The following NUP214 variants were observed in gnomAD, a reference collection of about 807,000 sequenced individuals.
NUP214 encodes the protein nucleoporin 214.
NUP214 carries 79 observed loss-of-function variants against 196.2 expected under a neutral mutation model. The ratio of observed to expected loss-of-function variants is 0.40; its 90% CI spans 0.34 to 0.49. The LOEUF (loss-of-function observed/expected upper bound fraction) is 0.49, where lower values mean the gene tolerates loss of function less well. Among genes scored for constraint, NUP214 ranks in the 20% least tolerant of loss-of-function variants. The pLI, the probability that NUP214 is intolerant of heterozygous loss-of-function variation, is 0.58. For missense variants in NUP214, 2,468 were observed against 2,539.0 expected (o/e 0.97, Z 0.60); for synonymous variants, 1,020 against 990.5 (o/e 1.03, Z -0.56).
At chr9:131,194,399 T>G (rs1468518434) in intron 27 of NUP214, among the ~76,000 whole-genome samples, 1 of 152,040 alleles carries the variant, frequency 6.6e-6, no homozygotes, top group Non-Finnish European at 1.5e-5. Context: ...GTTTGGTTTT[T>G]GGGTTTTTGT....
intron 30 of NUP214, among the ~76,000 whole-genome samples, chr9:131,211,421 G>A (rs1038364030): frequency 7.9e-5 from 12 of 152,120 alleles, no homozygotes; most frequent in South Asian, 2.1e-4. Context: ...TTCATATCTC[G>A]CTTTTGAATT....
At chr9:131,216,716 G>A (rs1006864703) in intron 31 of NUP214, among the ~76,000 whole-genome samples, 3 of 151,344 alleles carry the variant, frequency 2.0e-5, no homozygotes, top group Non-Finnish European at 2.9e-5. Flanking sequence ...TAGTAGAGAC[G>A]GGGTTTTACC....
chr9:131,170,891 C>G (rs1057337689), intron 21 of NUP214, among the ~76,000 whole-genome samples: 2 of 151,870 alleles, frequency 1.3e-5, no homozygotes, highest in African/African-American at 4.8e-5. Context: ...TCCTTGATCT[C>G]AAAAGGAGCA....
chr9:131,145,153 G>A lies in NUP214; in HGVS notation c.1769+399G>A, dbSNP rs550075947. Among the ~76,000 whole-genome samples the A allele has an allele frequency of 5.9e-5, 9 of 152,106 alleles. No homozygotes were observed. In the South Asian group the frequency reaches 1.9e-3, roughly 32 times the overall value. ...CTCTCTCTGAACTGCTGTCTACACA[G>A]CCACAAAGTCATCTTGTGACACTGT... On this transcript the variant is annotated intron_variant, in intron 12 of 35. Transcript: ENST00000359428.
intron 19 of NUP214, among the ~76,000 whole-genome samples, chr9:131,163,522 A>G (rs574775525): frequency 1.3e-4 from 20 of 152,298 alleles, no homozygotes; most frequent in Non-Finnish European, 2.4e-4. Context: ...TCTGAAGCCC[A>G]GATTTGCCAT....
intron 25 of NUP214, among the ~76,000 whole-genome samples, chr9:131,187,915 A>C (rs1258317822): frequency 6.6e-6 from 1 of 152,228 alleles, no homozygotes; most frequent in East Asian, 1.9e-4. Flanking sequence ...ATTTGGGGTC[A>C]TAATTCTAAT....
At chr9:131,171,547 C>CTTTTTTTTTTTTTTTTTT (rs11334591) in intron 21 of NUP214, among the ~76,000 whole-genome samples, 3 of 127,348 alleles carry the variant, frequency 2.4e-5, no homozygotes, top group Non-Finnish European at 5.0e-5. Context: ...GGAAGATTTT[C>CTTTTTTTTTTTTTTTTTT]TTTTTTTTTT....
intron 21 of NUP214, 108 bp downstream of exon 21, chr9:131,164,252 ATGTG>A (rs1832723278): frequency 3.2e-6 from 3 of 926,798 alleles, no homozygotes; most frequent in Non-Finnish European, 5.2e-6. Context: ...GGTGCTGTGT[ATGTG>A]TGTGTAAGTG....
intron 30 of NUP214, among the ~76,000 whole-genome samples, chr9:131,206,039 A>T (rs1026308423): frequency 6.6e-6 from 1 of 152,008 alleles, no homozygotes; most frequent in Non-Finnish European, 1.5e-5. Flanking sequence ...AAGTGTATTC[A>T]TAGCAACATT....
chr9:131,133,100 T>A lies in NUP214; in HGVS notation c.728-6T>A. ...TATGAGCTACTGATTAAGATGTGTC[T>A]TTCAGTTCTGGATGTGCTGTGGATT... On this transcript the variant is annotated splice_polypyrimidine_tract_variant and splice_region_variant and intron_variant, in intron 6 of 35. Coordinates refer to ENST00000359428, the MANE Select transcript of NUP214 (RefSeq NM_005085.4). 1.2e-6 allele frequency: 2 copies of A among 1,605,162 alleles called. No homozygotes were observed. Among genetic ancestry groups the A allele is most frequent in the South Asian group, 2.2e-5 (2 of 90,600 alleles).
At chr9:131,231,236 A>T (rs1273571315) in intron 34 of NUP214, among the ~76,000 whole-genome samples, 1 of 152,174 alleles carries the variant, frequency 6.6e-6, no homozygotes, top group Non-Finnish European at 1.5e-5. Flanking sequence ...TCTGTTGCCC[A>T]GGATGGAGTG....
At chr9:131,154,261 G>T (rs1832365332) in intron 17 of NUP214, among the ~76,000 whole-genome samples, 1 of 152,048 alleles carries the variant, frequency 6.6e-6, no homozygotes, top group Admixed American at 6.6e-5. Context: ...TGGGGGACAA[G>T]TGGTGTTTGG....
rs762919998 is a variant in NUP214, at chr9:131,146,241, A to G, written c.1882A>G (p.Thr628Ala). The change falls in exon 13 of 36, where the codon ACA becomes GCA. Residue 628 changes from threonine to alanine, a missense_variant. Transcript: ENST00000359428. The surrounding 1 kb of genome is among the most constrained non-coding windows in gnomAD (Gnocchi z 4.6). ...TGCTTCTGGACCACTCAGCCACCCC[A>G]CACCTCTCTCAGCACCACCTAGTTC... is the stretch of plus-strand genomic sequence containing the variant. ...PAASGPLSHP[T>A]PLSAPPSSVP... 1.2e-6 allele frequency: 2 copies of G among 1,613,802 alleles called. No individual in the cohort carries two copies. The highest frequency in any genetic ancestry group is 2.7e-5 in the African/African-American group (2 of 74,806).
rs35406686 is a variant in NUP214 at position 131,234,587 on chromosome 9, ATT to A, written c.*1110_*1111del. 11 of 207,908 alleles carry A rather than the reference ATT, an allele frequency of 5.3e-5. No homozygotes were observed. Among genetic ancestry groups the A allele is most frequent in the Non-Finnish European group, 7.7e-5 (8 of 103,726 alleles). The allele number at this position is 207,908 out of a possible 1,614,324, so 12.9% of individuals were successfully genotyped here. ...ATGAGCAGCGGGGAGTTGGGAAGAG[ATT>A]TTTTTTTTTAGAGTTTTACATATTG... On this transcript the variant is annotated 3_prime_UTR_variant, in exon 36 of 36. Coordinates refer to ENST00000359428, the MANE Select transcript of NUP214 (RefSeq NM_005085.4).
At chr9:131,231,701 A>G (rs145101152) in intron 34 of NUP214, among the ~76,000 whole-genome samples, 3 of 151,996 alleles carry the variant, frequency 2.0e-5, no homozygotes, top group Admixed American at 2.0e-4. Context: ...GCTTCTTCAG[A>G]TGGCAGAATA....
rs751976106 is a variant in NUP214 at position 131,128,408 on chromosome 9, ACT to A, written c.323_324del (p.Ser108CysfsTer7). 4 of 1,613,414 alleles carry A rather than the reference ACT, an allele frequency of 2.5e-6. No homozygotes were observed. The highest frequency in any genetic ancestry group is 2.5e-6 in the Non-Finnish European group (3 of 1,179,718). ...TGGCCTTGAGCTGTGATAACCTCACACTCTCTGCGTGCATGATGTCCAGTGAA... is the reference window on the plus strand; with the variant it reads ...TGGCCTTGAGCTGTGATAACCTCACACTCTGCGTGCATGATGTCCAGTGAA... ...HLALSCDNLT[L>X]SACMMSSEYG... On this transcript the variant is annotated frameshift_variant, in exon 3 of 36. Transcript: ENST00000359428. LOFTEE classifies it high-confidence loss of function.
chr9:131,202,011 T>G (rs2131054297), intron 30 of NUP214, among the ~76,000 whole-genome samples: 1 of 152,360 alleles, frequency 6.6e-6, no homozygotes, highest in Non-Finnish European at 1.5e-5. Context: ...TTGCCCAGGC[T>G]GTAGTACAGT....
chr9:131,187,266 T>C (rs1833477906), intron 24 of NUP214, 23 bp from the exon 25 acceptor site: 1 of 1,605,652 alleles, frequency 6.2e-7, no homozygotes, highest in East Asian at 2.2e-5. Flanking sequence ...TTTCTCTGAG[T>C]GTATGCTTTG....
chr9:131,139,511 A>C, intron 10 of NUP214, 104 bp downstream of exon 10: 1 of 1,503,578 alleles, frequency 6.7e-7, no homozygotes, highest in East Asian at 2.4e-5. Flanking sequence ...TCTGCTGGGC[A>C]CTTGTAGCTT....
Sources: gnomAD v4.1 joint callset for allele counts (sites outside exome capture counted in the v4.1 genomes callset) on GRCh38, gnomAD v4.1.1 for gene constraint, Gnocchi (gnomAD v3.1) non-coding constraint, MANE v1.5 for transcripts, NCBI Gene and HGNC (gene_info 2026-07-23, HGNC 2026-07-21) for gene names.